The following AKT2 variants were observed in gnomAD, a reference collection of about 807,000 sequenced individuals.
AKT2 encodes the protein RAC-beta serine/threonine-protein kinase.
A neutral mutation model predicts 58.6 loss-of-function variants in AKT2; 16 were observed. The observed-to-expected ratio is 0.27, with a 90% CI of 0.18 to 0.41. The LOEUF is 0.41. Among genes scored for constraint, AKT2 ranks in the 10% least tolerant of loss-of-function variants. The probability of loss-of-function intolerance (pLI) is 1.00; values close to 1 mark genes in which losing one functional copy is unlikely to be tolerated. For synonymous variants in AKT2, 253 were observed against 254.0 expected, an observed-to-expected ratio of 1.00 and a Z score of 0.04; for missense variants, 438 against 661.0, an observed-to-expected ratio of 0.66 and a Z score of 3.70.
intron 1 of AKT2, 175 bp downstream of exon 1, chr19:40,285,006 C>T: frequency 5.3e-6 from 2 of 378,412 alleles, no homozygotes; most frequent in Non-Finnish European, 9.4e-6. Context: ...CCCGGCCCCC[C>T]GAGGCTGGTC....
chr19:40,242,381 G>A lies in AKT2; in HGVS notation c.441+153C>T. The stretch of plus-strand genomic sequence containing the variant: ...CTACGGGCATGGAGCACACCCTAGG[G>A]CACCTGCCACCTGAAATCACCCCAC... On this transcript the variant is annotated intron_variant, in intron 5 of 13. Transcript: ENST00000392038. The surrounding 1 kb of genome is among the most constrained non-coding windows in gnomAD (Gnocchi z 4.3). The A allele has an allele frequency of 2.4e-6, 3 of 1,234,718 alleles. No homozygotes were observed. Among genetic ancestry groups the A allele is most frequent in the South Asian group, 1.2e-5 (1 of 81,516 alleles). The allele number at this position is 1,234,718 out of a possible 1,614,324, so 76.5% of individuals were successfully genotyped here.
intron 2 of AKT2, among the ~76,000 whole-genome samples, chr19:40,263,248 A>G (rs1441410947): frequency 2.0e-5 from 3 of 152,210 alleles, no homozygotes; most frequent in African/African-American, 7.2e-5. Context: ...CCGCACGTGC[A>G]GGCCACGGGA....
chr19:40,258,698 A>C (rs1407530713), intron 2 of AKT2, among the ~76,000 whole-genome samples: 2 of 152,070 alleles, frequency 1.3e-5, no homozygotes, highest in Non-Finnish European at 2.9e-5. Context: ...CTCCAAAAAA[A>C]TACTTAACCA....
At position 40,233,974 on chromosome 19, in the gene AKT2, G is replaced by T; in HGVS notation, c.1367-23C>A. 6.2e-7 allele frequency: 1 copy of T among 1,606,860 alleles called. No individual in the cohort carries two copies. Among genetic ancestry groups the T allele is most frequent in the Non-Finnish European group, 8.5e-7 (1 of 1,179,234 alleles). On this transcript the variant is annotated intron_variant, in intron 13 of 13. Transcript: ENST00000392038. This position sits in a 1 kb window ranked among gnomAD's most constrained non-coding sequence, Gnocchi z 4.3. Reference sequence around the variant, plus strand: ...CATCTGTGGGCGGCAGAGGTGGATGGGGAGGACCAGTCAGGAGAGGGCCTG... The same window carrying T: ...CATCTGTGGGCGGCAGAGGTGGATGTGGAGGACCAGTCAGGAGAGGGCCTG...
At chr19:40,255,848 AAC>A (rs2145298608) in intron 3 of AKT2, among the ~76,000 whole-genome samples, 1 of 152,262 alleles carries the variant, frequency 6.6e-6, no homozygotes, top group African/African-American at 2.4e-5. Flanking sequence ...AAGAGACACA[AAC>A]AGACTGAGAA....
At chr19:40,259,585 C>T (rs1975793759) in intron 2 of AKT2, among the ~76,000 whole-genome samples, 1 of 152,108 alleles carries the variant, frequency 6.6e-6, no homozygotes, top group Non-Finnish European at 1.5e-5. Context: ...TTCAAGTGAA[C>T]TCATCAAAAT....
At position 40,235,014 on chromosome 19, in the gene AKT2, G is replaced by A. The variant is rs1973927129; in HGVS notation, c.1366+31C>T. 1 of 1,581,580 alleles carries A rather than the reference G, an allele frequency of 6.3e-7. No homozygotes were observed. Among genetic ancestry groups the A allele is most frequent in the Non-Finnish European group, 8.7e-7 (1 of 1,150,478 alleles). On this transcript the variant is annotated intron_variant, in intron 13 of 13. Transcript: ENST00000392038. The surrounding 1 kb of genome is among the most constrained non-coding windows in gnomAD (Gnocchi z 6.3). Reference sequence around the variant, plus strand: ...TCCCATCCCTCCACCCCTGGGGCAGGCACACCAGCGCGGGGGCCCCAGGCA... The same window carrying A: ...TCCCATCCCTCCACCCCTGGGGCAGACACACCAGCGCGGGGGCCCCAGGCA...
At chr19:40,264,122 C>T (rs1976168663) in intron 2 of AKT2, among the ~76,000 whole-genome samples, 1 of 152,160 alleles carries the variant, frequency 6.6e-6, no homozygotes, top group African/African-American at 2.4e-5. Context: ...CCTAGAACAG[C>T]GCCTGGCCCA....
chr19:40,244,092 T>TAATAATAAA (rs1555769869), intron 4 of AKT2: 20 of 134,194 alleles, frequency 1.5e-4, no homozygotes, highest in African/African-American at 3.8e-4. Context: ...ATAATAATAA[T>TAATAATAAA]AAAATAAAGA....
chr19:40,251,164 G>A (rs575375215), intron 4 of AKT2, among the ~76,000 whole-genome samples: 19 of 150,718 alleles, frequency 1.3e-4, no homozygotes, highest in Middle Eastern at 3.5e-3. Context: ...TGATTGCACC[G>A]CTGCACTCCA....
At chr19:40,273,827 C>T (rs1040204463) in intron 1 of AKT2, among the ~76,000 whole-genome samples, 4 of 152,124 alleles carry the variant, frequency 2.6e-5, no homozygotes, top group Admixed American at 6.5e-5. Context: ...GGATCCTCCA[C>T]GCAGTTCTGA....
At chr19:40,275,233 C>CCA (rs908430320) in intron 1 of AKT2, 9 of 456,722 alleles carry the variant, frequency 2.0e-5, no homozygotes, top group African/African-American at 1.8e-4. Flanking sequence ...TCGCCTCCTC[C>CCA]CACACCCCGG....
Position 40,242,577 on chromosome 19 carries a change from G to T in AKT2, c.398C>A (p.Thr133Asn). 1.2e-6 allele frequency: 2 copies of T among 1,613,906 alleles called. No homozygotes were observed. Among genetic ancestry groups the T allele is most frequent in the South Asian group, 2.2e-5 (2 of 91,076 alleles). Residue 133 changes from threonine to asparagine, a missense_variant, in exon 5 of 14, where the codon ACT becomes AAT. By Grantham distance (65) the Thr-to-Asn change is moderately conservative. This residue lies in a region of AKT2 where 244 missense variants were observed against 347.1 expected (regional missense o/e 0.70). Coordinates refer to ENST00000392038, the MANE Select transcript of AKT2 (RefSeq NM_001626.6). This position sits in a 1 kb window ranked among gnomAD's most constrained non-coding sequence, Gnocchi z 4.3. ...KCGSPSDSST[T>N]EEMEVAVSKA... ...GCTGACCGCCACTTCCATCTCCTCAGTCGTGGAGGAGTCACTGGGGGAGCC... is the reference window on the plus strand; with the variant it reads ...GCTGACCGCCACTTCCATCTCCTCATTCGTGGAGGAGTCACTGGGGGAGCC...
rs534295749 is a variant in AKT2, at chr19:40,255,232, G to A, written c.213C>T (p.Asn71=). 22 of 1,614,150 alleles carry A rather than the reference G, an allele frequency of 1.4e-5. No individual in the cohort carries two copies. The South Asian group carries it at 2.1e-4, about 15-fold the overall frequency. ...ACTGCAGGCAGCGTATGACAAAGGTGTTGGGTCGCGGCCTCTCGGTCTTCA... is the reference window on the plus strand; with the variant it reads ...ACTGCAGGCAGCGTATGACAAAGGTATTGGGTCGCGGCCTCTCGGTCTTCA... The part of the protein sequence containing the change: ...QLMKTERPRP[N]TFVIRCLQWT... The change falls in exon 4 of 14, where the codon AAC becomes AAT. Residue 71 remains asparagine, a synonymous_variant. Transcript: ENST00000392038.
rs1442039578 is a variant in AKT2 at position 40,244,087 on chromosome 19, A to G, written c.288-1400T>C. ...TAATAATAATAATAATAATAATAAT[A>G]ATAATAAAATAAAGAACAATAAACT... is the stretch of plus-strand genomic sequence containing the variant. On this transcript the variant is annotated intron_variant, in intron 4 of 13. Transcript: ENST00000392038. The G allele has an allele frequency of 2.0e-5, 3 of 146,612 alleles. No homozygotes were observed. In the East Asian group the frequency reaches 5.9e-4, roughly 29 times the overall value. 9.1% of individuals were successfully genotyped at this position (146,612 alleles called of 1,614,324 possible).
chr19:40,281,197 T>C (rs1290257226), intron 1 of AKT2, among the ~76,000 whole-genome samples: 1 of 152,128 alleles, frequency 6.6e-6, no homozygotes, highest in African/African-American at 2.4e-5. Flanking sequence ...CTGTGAGCTG[T>C]GGTGGGCTGG....
At chr19:40,247,036 A>C (rs2145234696) in intron 4 of AKT2, among the ~76,000 whole-genome samples, 1 of 152,340 alleles carries the variant, frequency 6.6e-6, no homozygotes, top group South Asian at 2.1e-4. Flanking sequence ...CAGAAACCAC[A>C]GCAATGCAGG....
At chr19:40,264,455 A>G (rs1976194216) in intron 2 of AKT2, among the ~76,000 whole-genome samples, 1 of 152,152 alleles carries the variant, frequency 6.6e-6, no homozygotes, top group African/African-American at 2.4e-5. Context: ...CTGGAGTGCC[A>G]AAGCCAAGGT....
chr19:40,261,951 G>A (rs1475769590), intron 2 of AKT2, among the ~76,000 whole-genome samples: 1 of 150,228 alleles, frequency 6.7e-6, no homozygotes, highest in Non-Finnish European at 1.5e-5. Flanking sequence ...CCTCATCTGT[G>A]TTACTGGAGG....
Sources: allele counts gnomAD v4.1 joint callset (sites outside exome capture counted in the v4.1 genomes callset), GRCh38; gene constraint gnomAD v4.1.1; regional missense constraint gnomAD v4.1.1; non-coding constraint Gnocchi (gnomAD v3.1); transcripts MANE v1.5; gene names NCBI Gene and HGNC (gene_info 2026-07-23, HGNC 2026-07-21).